Variants in BTG4 observed in about 807,000 individuals in gnomAD.
The protein encoded by BTG4 is BTG anti-proliferation factor 4.
Under a neutral mutation model 19.3 loss-of-function variants are expected in BTG4, and 10 were observed. That is an observed-to-expected ratio of 0.52 (90% CI 0.32 to 0.88). The LOEUF (loss-of-function observed/expected upper bound fraction) is 0.88. Ranked by LOEUF, BTG4 falls within the 40% of genes least tolerant of loss-of-function variation. BTG4 has a pLI of 0.04. For missense variants in BTG4, 238 were observed against 281.9 expected (o/e 0.84, Z 1.11); for synonymous variants, 91 against 95.7 (o/e 0.95, Z 0.29).
intron 1 of BTG4, among the ~76,000 whole-genome samples, chr11:111,502,235 G>T (rs538710488): frequency 6.1e-4 from 93 of 151,980 alleles, no homozygotes; most frequent in African/African-American, 2.2e-3. Flanking sequence ...GCCTCTCAAA[G>T]TGCTAGGATT....
chr11:111,453,576 G>A, the BTG4 span: 3 of 450,614 alleles, frequency 6.7e-6, no homozygotes, highest in Admixed American at 4.7e-5. Context: ...GGGTTGAGGG[G>A]GGTCCTGGTG....
chr11:111,498,136 CT>C lies in BTG4; in HGVS notation c.174-2del. ...CTGATTGTTGTTTATCCTGATGCACCTTTTTAAAAAGCGAAGGGAAACGAAG... is the reference window on the plus strand; with the variant it reads ...CTGATTGTTGTTTATCCTGATGCACCTTTTAAAAAGCGAAGGGAAACGAAG... On this transcript the variant is annotated splice_acceptor_variant, in intron 2 of 4. Transcript: ENST00000692032. LOFTEE classifies it high-confidence loss of function. 1.2e-6 allele frequency: 2 copies of C among 1,613,712 alleles called. No individual in the cohort carries two copies. The highest frequency in any genetic ancestry group is 8.5e-7 in the Non-Finnish European group (1 of 1,179,886).
In BTG4 at chr11:111,505,617, CG is replaced by C. The variant is rs1565474900; in HGVS notation, c.-27+6563del. Among the ~76,000 whole-genome samples, 384 of 151,808 alleles carry C rather than the reference CG, an allele frequency of 2.5e-3. 3 individuals are homozygous for C. The highest frequency in any genetic ancestry group is 8.9e-3 in the African/African-American group (371 of 41,460). On this transcript the variant is annotated intron_variant, in intron 1 of 4. Coordinates refer to ENST00000692032, the MANE Select transcript of BTG4 (RefSeq NM_001367975.1). ...TTCCAAACACAAACGCAATAAAAAACGAAGATAGAGAAATAGGACATAAACT... is the reference window on the plus strand; with the variant it reads ...TTCCAAACACAAACGCAATAAAAAACAAGATAGAGAAATAGGACATAAACT...
At chr11:111,399,618 G>T in the BTG4 span, among the ~76,000 whole-genome samples, 1 of 152,184 alleles carries the variant, frequency 6.6e-6, no homozygotes, top group African/African-American at 2.4e-5. Context: ...TCTTGAGAAG[G>T]TAAGACCTAC....
chr11:111,495,051 C>G lies in BTG4; in HGVS notation c.*84G>C. The G allele has an allele frequency of 7.2e-7, 1 of 1,384,854 alleles. No homozygotes were observed. Among genetic ancestry groups the G allele is most frequent in the Non-Finnish European group, 9.3e-7 (1 of 1,071,172 alleles). The allele number at this position is 1,384,854 out of a possible 1,614,324, so 85.8% of individuals were successfully genotyped here. On this transcript the variant is annotated 3_prime_UTR_variant, in exon 5 of 5. Transcript: ENST00000692032. ...TATGGTCATTTTTTGTTTCATGGGCCTCTCAACCTTAAATTCATTTTTATT... is the reference window on the plus strand; with the variant it reads ...TATGGTCATTTTTTGTTTCATGGGCGTCTCAACCTTAAATTCATTTTTATT...
chr11:111,436,183 C>T, the BTG4 span, among the ~76,000 whole-genome samples: 29,058 of 152,112 alleles, frequency 0.19, 2,999 homozygotes, highest in South Asian at 0.27. Context: ...GAGCCCAATC[C>T]GTCTTACTCT....
chr11:111,512,850 GC>G (rs1867048309), upstream of BTG4: 2 of 393,534 alleles, frequency 5.1e-6, no homozygotes, highest in Admixed American at 6.9e-5. Context: ...CCATGGTAGG[GC>G]GTCCCCCGGT....
the BTG4 span, among the ~76,000 whole-genome samples, chr11:111,398,801 CATT>C: frequency 1.7e-4 from 26 of 150,778 alleles, no homozygotes; most frequent in Non-Finnish European, 3.4e-4. Context: ...TTTTTTTTAA[CATT>C]ATAGAGTTTG....
At chr11:111,456,559 G>A in the BTG4 span, 4 of 456,340 alleles carry the variant, frequency 8.8e-6, no homozygotes, top group South Asian at 3.1e-5. The surrounding 1 kb of genome is among the most constrained non-coding windows in gnomAD (Gnocchi z 4.2). Context: ...TGTGAACCCC[G>A]TCACCAAGTT....
chr11:111,435,171 T>G, the BTG4 span: 1 of 152,296 alleles, frequency 6.6e-6, no homozygotes, highest in African/African-American at 2.4e-5. Context: ...GGTGGTTCTG[T>G]TGGCCAGAGT....
chr11:111,399,468 G>T, the BTG4 span, among the ~76,000 whole-genome samples: 5 of 152,174 alleles, frequency 3.3e-5, no homozygotes, highest in African/African-American at 1.2e-4. Flanking sequence ...GGGGAGAAAT[G>T]ACATATCTCC....
the BTG4 span, among the ~76,000 whole-genome samples, chr11:111,439,951 G>A: frequency 6.6e-6 from 1 of 152,174 alleles, no homozygotes; most frequent in Non-Finnish European, 1.5e-5. Flanking sequence ...CTGTTTTTGT[G>A]TAGCAAACAA....
chr11:111,450,691 C>T, the BTG4 span: 1 of 152,180 alleles, frequency 6.6e-6, no homozygotes, highest in South Asian at 2.1e-4. Flanking sequence ...TATATACATG[C>T]TCTTGGGAAA....
chr11:111,414,579 G>A, the BTG4 span: 7 of 152,192 alleles, frequency 4.6e-5, no homozygotes, highest in African/African-American at 1.7e-4. Context: ...GCCCCTTCCT[G>A]AGAAGATAAG....
At chr11:111,455,561 G>T in the BTG4 span, 11 of 258,884 alleles carry the variant, frequency 4.2e-5, no homozygotes, top group East Asian at 9.9e-4. Flanking sequence ...AGCAGCAGTT[G>T]AAAGCACAGA....
the BTG4 span, among the ~76,000 whole-genome samples, chr11:111,435,913 G>A: frequency 1.3e-5 from 2 of 152,278 alleles, no homozygotes; most frequent in South Asian, 2.1e-4. Flanking sequence ...CAAGCTGCAC[G>A]ATTTCCCAAA....
Position 111,512,166 on chromosome 11 carries a change from T to TCGG in BTG4, c.-27+14_-27+15insCCG, listed in dbSNP as rs1431736908. 6.6e-6 allele frequency: 1 copy of TCGG among 152,098 alleles called. No individual in the cohort carries two copies. Among genetic ancestry groups the TCGG allele is most frequent in the Non-Finnish European group, 1.5e-5 (1 of 68,042 alleles). The allele number at this position is 152,098 out of a possible 1,614,324, so 9.4% of individuals were successfully genotyped here. Reference sequence around the variant, plus strand: ...CACCTCCATTTGGAAAATTCAAACCTATAATTTGAGGTACCTGGGAAGCCG... The same window carrying TCGG: ...CACCTCCATTTGGAAAATTCAAACCTCGGATAATTTGAGGTACCTGGGAAGCCG... On this transcript the variant is annotated intron_variant, in intron 1 of 4. Coordinates refer to ENST00000692032, the MANE Select transcript of BTG4 (RefSeq NM_001367975.1).
the BTG4 span, among the ~76,000 whole-genome samples, chr11:111,443,381 T>C: frequency 6.6e-6 from 1 of 152,230 alleles, no homozygotes; most frequent in Non-Finnish European, 1.5e-5. Flanking sequence ...GGGTTTCAGT[T>C]AATAATAATG....
chr11:111,442,895 C>T, the BTG4 span, among the ~76,000 whole-genome samples: 2 of 152,180 alleles, frequency 1.3e-5, no homozygotes, highest in Admixed American at 1.3e-4. Context: ...ATTCCACCCT[C>T]GGGGAGGGAT....
Sources: allele counts gnomAD v4.1 joint callset (sites outside exome capture counted in the v4.1 genomes callset), GRCh38; gene constraint gnomAD v4.1.1; non-coding constraint Gnocchi (gnomAD v3.1); transcripts MANE v1.5; gene names NCBI Gene and HGNC (gene_info 2026-07-23, HGNC 2026-07-21).